The following TENM4 variants were observed in gnomAD, a reference collection of about 807,000 sequenced individuals.
TENM4 encodes teneurin transmembrane protein 4, also known as teneurin-4.
Under a neutral mutation model 243.3 loss-of-function variants are expected in TENM4, and 82 were observed. The observed-to-expected ratio is 0.34, with a 90% confidence interval of 0.28 to 0.40. The LOEUF (loss-of-function observed/expected upper bound fraction) is 0.40, where lower values mean the gene tolerates loss of function less well. Ranked by LOEUF, TENM4 falls within the 10% of genes least tolerant of loss-of-function variation. The pLI is 1.00. For missense variants in TENM4, 3,138 were observed against 3,673.3 expected, an observed-to-expected ratio of 0.85 and a Z score of 3.77; for synonymous variants, 1,412 against 1,456.3, an observed-to-expected ratio of 0.97 and a Z score of 0.69.
In TENM4 at chr11:79,196,967, C is replaced by A. The variant is rs752906097; in HGVS notation, c.-163+18841G>T. 3.3e-5 allele frequency among the ~76,000 whole-genome samples: 5 copies of A among 152,302 alleles called. No individual in the cohort carries two copies. The East Asian group carries it at 7.7e-4, about 24-fold the overall frequency. ...TTATGGATGCGTGTTCAGCAGATGGCGCCTGGTCATGCCCAGGGTTAAGAG... is the reference window on the plus strand; with the variant it reads ...TTATGGATGCGTGTTCAGCAGATGGAGCCTGGTCATGCCCAGGGTTAAGAG... On this transcript the variant is annotated intron_variant, in intron 3 of 33. Transcript: ENST00000278550.
At chr11:79,241,922 A>G (rs654988) in intron 2 of TENM4, among the ~76,000 whole-genome samples, 69,232 of 151,962 alleles carry the variant, frequency 0.46, 16,553 homozygotes, top group African/African-American at 0.61. Context: ...AATCCGGAAC[A>G]GAGAAGTAAC....
At position 78,726,745 on chromosome 11, in the gene TENM4, T is replaced by C. The variant is rs182226249; in HGVS notation, c.3407-523A>G. Reference sequence around the variant, plus strand: ...ACCACCCCAGGTCCTGCTCCTGCCATGTAAGATGGCTGCTCCCGCTTTGCC... The same window carrying C: ...ACCACCCCAGGTCCTGCTCCTGCCACGTAAGATGGCTGCTCCCGCTTTGCC... On this transcript the variant is annotated intron_variant, in intron 22 of 33. Transcript: ENST00000278550. Among the ~76,000 whole-genome samples the C allele has an allele frequency of 1.4e-3, 195 of 141,546 alleles. 1 individual carries two copies. Among genetic ancestry groups the C allele is most frequent in the Middle Eastern group, 0.01 (3 of 286 alleles). 92.9% of individuals were successfully genotyped at this position (141,546 alleles called of 152,430 possible).
At chr11:79,075,371 C>T (rs150989176) in intron 4 of TENM4, among the ~76,000 whole-genome samples, 15 of 152,332 alleles carry the variant, frequency 9.8e-5, no homozygotes, top group Admixed American at 9.8e-4. Flanking sequence ...GGAGTAAGGC[C>T]TGTCCTGGCC....
At chr11:78,779,290 C>T (rs80236649) in intron 16 of TENM4, among the ~76,000 whole-genome samples, 2,061 of 152,278 alleles carry the variant, frequency 0.014, 16 homozygotes, top group African/African-American at 0.03. Flanking sequence ...CTTTGTGCAT[C>T]GTACACAGAC....
chr11:78,777,637 T>G (rs1856763418), intron 17 of TENM4, among the ~76,000 whole-genome samples: 1 of 152,188 alleles, frequency 6.6e-6, no homozygotes, highest in Non-Finnish European at 1.5e-5. Context: ...GTGGGTCCTG[T>G]TAGCAAGAGA....
chr11:79,263,192 G>C (rs1051696925), intron 2 of TENM4, among the ~76,000 whole-genome samples: 1 of 152,232 alleles, frequency 6.6e-6, no homozygotes, highest in Non-Finnish European at 1.5e-5. Flanking sequence ...GTGCATGACA[G>C]TGCAAAGCTG....
At chr11:78,970,685 T>C (rs1030862998) in intron 6 of TENM4, among the ~76,000 whole-genome samples, 4 of 152,206 alleles carry the variant, frequency 2.6e-5, no homozygotes, top group Non-Finnish European at 4.4e-5. Flanking sequence ...GGTTCCTTTA[T>C]GGTCCAACAA....
intron 6 of TENM4, among the ~76,000 whole-genome samples, chr11:79,001,673 A>T (rs906422308): frequency 1.3e-5 from 2 of 152,272 alleles, no homozygotes; most frequent in Middle Eastern, 6.8e-3. Context: ...GGGACTACTG[A>T]AGCTGGACAG....
At chr11:79,016,188 G>T (rs957661948) in intron 6 of TENM4, among the ~76,000 whole-genome samples, 3 of 152,166 alleles carry the variant, frequency 2.0e-5, no homozygotes, top group African/African-American at 7.2e-5. Flanking sequence ...AAGATCTATT[G>T]TATAGGGGGC....
intron 9 of TENM4, among the ~76,000 whole-genome samples, chr11:78,886,593 CAGAA>C (rs1394847246): frequency 9.2e-5 from 14 of 152,304 alleles, no homozygotes; most frequent in Non-Finnish European, 1.6e-4. Flanking sequence ...AATCAGAACT[CAGAA>C]AGAGAAATGA....
Position 79,225,257 on chromosome 11 carries a change from AG to A in TENM4, c.-264-9349del, listed in dbSNP as rs575367629. Reference sequence around the variant, plus strand: ...AGGAAAGCACGTCTGCAGTGAGAGAAGGAAGCTTACACGCCTAAGAAAAGCA... The same window carrying A: ...AGGAAAGCACGTCTGCAGTGAGAGAAGAAGCTTACACGCCTAAGAAAAGCA... On this transcript the variant is annotated intron_variant, in intron 2 of 33. Transcript: ENST00000278550. Among the ~76,000 whole-genome samples, 6 of 152,342 alleles carry A rather than the reference AG, an allele frequency of 3.9e-5. No homozygotes were observed. In the East Asian group the frequency reaches 1.2e-3, roughly 29 times the overall value.
chr11:79,062,856 G>T (rs770546381), intron 6 of TENM4, among the ~76,000 whole-genome samples: 1 of 152,146 alleles, frequency 6.6e-6, no homozygotes, highest in Non-Finnish European at 1.5e-5. Context: ...AGTTCAGTGC[G>T]TGGTCGGGGT....
intron 2 of TENM4, among the ~76,000 whole-genome samples, chr11:79,229,018 G>T (rs1433515349): frequency 6.6e-6 from 1 of 152,148 alleles, no homozygotes. Context: ...TTTTTTAGAT[G>T]TTCTTTGTTT....
intron 12 of TENM4, among the ~76,000 whole-genome samples, chr11:78,842,277 A>G (rs1453433321): frequency 6.6e-6 from 1 of 152,216 alleles, no homozygotes; most frequent in Non-Finnish European, 1.5e-5. Context: ...TCTCCCTTAC[A>G]AGGTAAAATA....
In TENM4 at chr11:79,300,910, A is replaced by G. The variant is rs367892146; in HGVS notation, c.-320-3367T>C. 1.2e-3 allele frequency among the ~76,000 whole-genome samples: 186 copies of G among 152,242 alleles called. 9 individuals are homozygous for G. In the South Asian group the frequency reaches 0.038, roughly 31 times the overall value. ...ATCTGGGTACCTGTTTCCTACCAGA[A>G]ATCTGGGTACATGTTTTGACACCCC... On this transcript the variant is annotated intron_variant, in intron 1 of 33. Transcript: ENST00000278550.
intron 3 of TENM4, among the ~76,000 whole-genome samples, chr11:79,179,173 C>T (rs1863232673): frequency 6.6e-6 from 1 of 152,212 alleles, no homozygotes; most frequent in Non-Finnish European, 1.5e-5. Context: ...CTCACTTCTC[C>T]TCCTTGCCAA....
At chr11:79,205,456 T>C (rs933189741) in intron 3 of TENM4, among the ~76,000 whole-genome samples, 1 of 152,192 alleles carries the variant, frequency 6.6e-6, no homozygotes, top group Non-Finnish European at 1.5e-5. Context: ...ATGTGTCCTT[T>C]TATCTCCATA....
At chr11:79,354,861 T>A (rs996326458) in intron 1 of TENM4, among the ~76,000 whole-genome samples, 1 of 152,192 alleles carries the variant, frequency 6.6e-6, no homozygotes, top group South Asian at 2.1e-4. Flanking sequence ...AAAGATAAGC[T>A]GGCATGAATA....
At position 78,881,059 on chromosome 11, in the gene TENM4, A is replaced by C. The variant is rs151024006; in HGVS notation, c.1084+8726T>G. On this transcript the variant is annotated intron_variant, in intron 9 of 33. Transcript: ENST00000278550. ...AAATGTGTTAATTTTCTGTATGTACATTATATCTCAATAAATCTGATATGA... is the reference window on the plus strand; with the variant it reads ...AAATGTGTTAATTTTCTGTATGTACCTTATATCTCAATAAATCTGATATGA... Among the ~76,000 whole-genome samples, 974 of 152,354 alleles carry C rather than the reference A, an allele frequency of 6.4e-3. 7 individuals are homozygous for C. Among genetic ancestry groups the C allele is most frequent in the East Asian group, 0.028 (145 of 5,190 alleles).
Sources: allele counts gnomAD v4.1 joint callset (sites outside exome capture counted in the v4.1 genomes callset), GRCh38; gene constraint gnomAD v4.1.1; transcripts MANE v1.5; gene names NCBI Gene and HGNC (gene_info 2026-07-23, HGNC 2026-07-21).